Variants in ITGB6 observed in about 807,000 individuals in gnomAD.
ITGB6 encodes the protein integrin subunit beta 6, also known as integrin beta-6.
In ITGB6, 80 loss-of-function variants were observed where a neutral mutation model predicts 84.5. That is an observed-to-expected ratio of 0.95 (90% CI 0.79 to 1.14). The LOEUF (loss-of-function observed/expected upper bound fraction) is 1.14, where lower values mean the gene tolerates loss of function less well. Among genes scored for constraint, ITGB6 ranks in the 50% most tolerant of loss-of-function variants. ITGB6 has a pLI of 0.00. For missense variants in ITGB6, 1,006 were observed against 968.0 expected (o/e 1.04, Z -0.52); for synonymous variants, 383 against 354.9 (o/e 1.08, Z -0.89).
At chr2:160,188,764 T>C (rs921109861) in intron 4 of ITGB6, among the ~76,000 whole-genome samples, 1 of 151,976 alleles carries the variant, frequency 6.6e-6, no homozygotes, top group Non-Finnish European at 1.5e-5. Context: ...CCCCCATGCC[T>C]GGCTAATTTT....
At chr2:160,102,847 T>G (rs1696773571) in intron 14 of ITGB6, among the ~76,000 whole-genome samples, 1 of 152,224 alleles carries the variant, frequency 6.6e-6, no homozygotes, top group South Asian at 2.1e-4. Flanking sequence ...GAAGACACTC[T>G]GAGCCTTGGT....
intron 5 of ITGB6, among the ~76,000 whole-genome samples, chr2:160,172,931 C>T (rs1038637526): frequency 6.6e-6 from 1 of 152,132 alleles, no homozygotes; most frequent in Non-Finnish European, 1.5e-5. Flanking sequence ...TCCTGGATAA[C>T]ATTTTCATAT....
chr2:160,116,099 T>C (rs1003127315), intron 12 of ITGB6, among the ~76,000 whole-genome samples: 1 of 147,150 alleles, frequency 6.8e-6, no homozygotes, highest in African/African-American at 2.5e-5. Flanking sequence ...CAGGATATTA[T>C]CCAGGAGAAC....
chr2:160,186,406 C>T (rs1002725788), intron 4 of ITGB6, among the ~76,000 whole-genome samples: 5 of 151,932 alleles, frequency 3.3e-5, no homozygotes, highest in Admixed American at 3.3e-4. Flanking sequence ...CAAATCAAAA[C>T]CACAATGAGA....
intron 7 of ITGB6, among the ~76,000 whole-genome samples, chr2:160,166,207 A>T (rs1444748750): frequency 2.0e-5 from 3 of 152,220 alleles, no homozygotes; most frequent in African/African-American, 7.2e-5. Flanking sequence ...AACAGCCAAG[A>T]GATATTAATC....
intron 2 of ITGB6, among the ~76,000 whole-genome samples, chr2:160,198,962 C>T (rs934634800): frequency 5.3e-5 from 8 of 151,980 alleles, no homozygotes; most frequent in East Asian, 3.9e-4. Context: ...AATTTTTTTC[C>T]GAATTATTTG....
chr2:160,181,354 T>G (rs1160100316), intron 4 of ITGB6, among the ~76,000 whole-genome samples: 1 of 152,186 alleles, frequency 6.6e-6, no homozygotes, highest in African/African-American at 2.4e-5. Flanking sequence ...CCCCTCACAG[T>G]GTAAACAAAG....
At chr2:160,148,582 T>C (rs1263993346) in intron 7 of ITGB6, among the ~76,000 whole-genome samples, 3 of 152,148 alleles carry the variant, frequency 2.0e-5, no homozygotes, top group African/African-American at 7.2e-5. Context: ...ACCTGCTTCA[T>C]CTCATTGGGA....
chr2:160,180,345 C>T (rs748267612), intron 4 of ITGB6, among the ~76,000 whole-genome samples: 10 of 152,192 alleles, frequency 6.6e-5, no homozygotes, highest in Non-Finnish European at 1.5e-4. Context: ...TGGACACTCT[C>T]TATGTTGCCC....
rs1293520542 is a variant in ITGB6 at position 160,137,426 on chromosome 2, T to C, written c.1660+8A>G. On this transcript the variant is annotated splice_region_variant and intron_variant, in intron 10 of 14. Coordinates refer to ENST00000283249, the MANE Select transcript of ITGB6 (RefSeq NM_000888.5). ...CCACAGGGTAAGATGGATTTCAACA[T>C]AGCCTACCTCCGCAGAGCAGCCCTT... is the stretch of plus-strand genomic sequence containing the variant. 1.9e-6 allele frequency: 3 copies of C among 1,597,368 alleles called. No homozygotes were observed. Among genetic ancestry groups the C allele is most frequent in the Admixed American group, 1.7e-5 (1 of 59,482 alleles).
intron 4 of ITGB6, among the ~76,000 whole-genome samples, chr2:160,174,398 G>A (rs1247062454): frequency 1.3e-5 from 2 of 152,078 alleles, no homozygotes; most frequent in African/African-American, 4.8e-5. Flanking sequence ...CAGATAATCA[G>A]GTGATCAGAC....
intron 4 of ITGB6, among the ~76,000 whole-genome samples, chr2:160,194,851 A>G (rs1406651340): frequency 6.6e-6 from 1 of 151,984 alleles, no homozygotes; most frequent in Non-Finnish European, 1.5e-5. Context: ...ACTGAATTTA[A>G]CAGCAGTGAA....
chr2:160,138,050 T>G lies in ITGB6; in HGVS notation c.1242+15A>C. The stretch of plus-strand genomic sequence containing the variant: ...CCAGGTATTTATTCAGACTATCTAC[T>G]GGCCAGCTACTTACTGTGTCTCCCA... On this transcript the variant is annotated intron_variant, in intron 9 of 14. Transcript: ENST00000283249. The G allele has an allele frequency of 6.2e-7, 1 of 1,607,008 alleles. No individual in the cohort carries two copies.
rs149852879 is a variant in ITGB6 at position 160,132,789 on chromosome 2, C to T, written c.1660+4645G>A. On this transcript the variant is annotated intron_variant, in intron 10 of 14. Transcript: ENST00000283249. ...TATACAATATATCGTTAAACTATAG[C>T]GATTTTACATCTATGTAGGATATTA... Among the ~76,000 whole-genome samples the T allele has an allele frequency of 5.2e-3, 793 of 152,120 alleles. 3 individuals carry two copies. The highest frequency in any genetic ancestry group is 0.016 in the African/African-American group (676 of 41,508).
At chr2:160,126,703 A>G (rs1683260345) in intron 10 of ITGB6, 102 bp from the exon 11 acceptor site, 7 of 1,079,830 alleles carry the variant, frequency 6.5e-6, no homozygotes. Context: ...ACCGTCATCA[A>G]AAGACAAGAA....
rs931154300 is a variant in ITGB6, at chr2:160,101,628, T to C, written c.*108A>G. On this transcript the variant is annotated 3_prime_UTR_variant, in exon 15 of 15. Coordinates refer to ENST00000283249, the MANE Select transcript of ITGB6 (RefSeq NM_000888.5). Reference sequence around the variant, plus strand: ...GGATGACTTATCTGCAGATGTCCTATTATTATCTTAAACCAACCTCATTTT... The same window carrying C: ...GGATGACTTATCTGCAGATGTCCTACTATTATCTTAAACCAACCTCATTTT... 5.7e-6 allele frequency: 4 copies of C among 706,382 alleles called. No homozygotes were observed. In the Admixed American group the frequency reaches 7.0e-5, roughly 12 times the overall value. 43.8% of individuals were successfully genotyped at this position (706,382 alleles called of 1,614,324 possible).
At chr2:160,127,290 A>AC in intron 10 of ITGB6, among the ~76,000 whole-genome samples, 1 of 152,240 alleles carries the variant, frequency 6.6e-6, no homozygotes, top group East Asian at 1.9e-4. Context: ...TCTAGGAAAC[A>AC]TTTGCAATCT....
At chr2:160,189,963 A>G (rs1178270506) in intron 4 of ITGB6, among the ~76,000 whole-genome samples, 1 of 152,216 alleles carries the variant, frequency 6.6e-6, no homozygotes, top group Non-Finnish European at 1.5e-5. Context: ...CCAAATGTCC[A>G]ACAATGATAG....
chr2:160,146,873 G>T (rs1454563939), intron 7 of ITGB6, among the ~76,000 whole-genome samples: 1 of 152,052 alleles, frequency 6.6e-6, no homozygotes, highest in Non-Finnish European at 1.5e-5. Context: ...GGCTGAGGTG[G>T]GTATATCACT....
Sources: gnomAD v4.1 joint callset for allele counts (sites outside exome capture counted in the v4.1 genomes callset) on GRCh38, gnomAD v4.1.1 for gene constraint, MANE v1.5 for transcripts, NCBI Gene and HGNC (gene_info 2026-07-23, HGNC 2026-07-21) for gene names.